Variants in BCL11A observed in about 807,000 individuals in gnomAD.
The protein encoded by BCL11A is B cell CLL/lymphoma 11A.
A neutral mutation model predicts 55.9 loss-of-function variants in BCL11A; 2 were observed. The observed-to-expected ratio is 0.04, with a 90% CI of 0.01 to 0.11. The LOEUF (loss-of-function observed/expected upper bound fraction) is 0.11, where lower values mean the gene tolerates loss of function less well. Ranked by LOEUF, BCL11A falls within the 10% of genes least tolerant of loss-of-function variation. BCL11A has a pLI of 1.00. For missense variants in BCL11A, 817 were observed against 1,137.1 expected (o/e 0.72, Z 4.05); for synonymous variants, 465 against 473.4 (o/e 0.98, Z 0.23).
intron 2 of BCL11A, among the ~76,000 whole-genome samples, chr2:60,482,700 A>C (rs1678032001): frequency 6.6e-6 from 1 of 152,256 alleles, no homozygotes; most frequent in South Asian, 2.1e-4. Context: ...TCCTGAAAAC[A>C]GGGCAGAAGA....
At position 60,459,867 on chromosome 2, in the gene BCL11A, T is replaced by A; in HGVS notation, c.*537A>T. ...AGAGGGTTAATCCAAAGACTGTTTT[T>A]CCTCCTCACGTTATAAAATAAAACT... On this transcript the variant is annotated 3_prime_UTR_variant, in exon 4 of 4. Transcript: ENST00000642384. 9.5e-7 allele frequency: 1 copy of A among 1,047,974 alleles called. No homozygotes were observed. The highest frequency in any genetic ancestry group is 1.2e-6 in the Non-Finnish European group (1 of 868,180). 64.9% of individuals were successfully genotyped at this position (1,047,974 alleles called of 1,614,324 possible). A position where few individuals can be genotyped will look rare whatever the true frequency, so the allele number is the denominator to read the frequency against.
intron 3 of BCL11A, among the ~76,000 whole-genome samples, chr2:60,467,120 G>GTGGTGGTGATGGTGGTGGTGGTGGTGA (rs1459862565): frequency 7.4e-6 from 1 of 134,276 alleles, no homozygotes; most frequent in Admixed American, 7.6e-5. Context: ...AGTGGTGGTG[G>GTGGTGGTGATGGTGGTGGTGGTGGTGA]TGGTGGTGAT....
rs1370776472 is a variant in BCL11A at position 60,460,959 on chromosome 2, G to A, written c.1953C>T (p.Asn651=). 6.2e-7 allele frequency: 1 copy of A among 1,611,854 alleles called. No homozygotes were observed. The highest frequency in any genetic ancestry group is 8.5e-7 in the Non-Finnish European group (1 of 1,179,016). ...GCCACTGCGAGTACACGTTCTCCGT[G>A]TTGGGCATCGCGGCCGGGGGCAGGT... ...EFDLPPAAMP[N]TENVYSQWLA... Residue 651 remains asparagine, a synonymous_variant, in exon 4 of 4, where the codon AAC becomes AAT. Coordinates refer to ENST00000642384, the MANE Select transcript of BCL11A (RefSeq NM_022893.4).
At chr2:60,492,412 G>A (rs1678688128) in intron 2 of BCL11A, among the ~76,000 whole-genome samples, 1 of 152,134 alleles carries the variant, frequency 6.6e-6, no homozygotes, top group African/African-American at 2.4e-5. Flanking sequence ...TTGGGCTAAT[G>A]TTTAGAATAA....
rs1368021668 is a variant in BCL11A at position 60,458,127 on chromosome 2, G to T, written c.*2277C>A. 4 of 1,028,308 alleles carry T rather than the reference G, an allele frequency of 3.9e-6. No homozygotes were observed. The East Asian group carries it at 2.4e-4, about 63-fold the overall frequency. 63.7% of individuals were successfully genotyped at this position (1,028,308 alleles called of 1,614,324 possible). On this transcript the variant is annotated 3_prime_UTR_variant, in exon 4 of 4. Transcript: ENST00000642384. Reference sequence around the variant, plus strand: ...CAAGCTTCAATATAAATACTATAGTGCCTAACACTAGATGAACATTTAATT... The same window carrying T: ...CAAGCTTCAATATAAATACTATAGTTCCTAACACTAGATGAACATTTAATT...
At chr2:60,485,519 A>G (rs1295413906) in intron 2 of BCL11A, among the ~76,000 whole-genome samples, 2 of 152,214 alleles carry the variant, frequency 1.3e-5, no homozygotes, top group African/African-American at 4.8e-5. Flanking sequence ...TATTCTACCT[A>G]TAAGGGAAAA....
intron 2 of BCL11A, 123 bp from the exon 3 acceptor site, chr2:60,468,956 G>T: frequency 1.6e-6 from 1 of 629,724 alleles, no homozygotes; most frequent in Non-Finnish European, 2.8e-6. Flanking sequence ...CTTGCAGATA[G>T]TTAACAGGCC....
chr2:60,486,415 G>C (rs972795287), intron 2 of BCL11A, among the ~76,000 whole-genome samples: 4 of 152,170 alleles, frequency 2.6e-5, no homozygotes, highest in African/African-American at 9.7e-5. Flanking sequence ...GTGTAGTTAA[G>C]TACTGAAGTG....
At chr2:60,517,544 TC>T (rs2104529635) in intron 2 of BCL11A, among the ~76,000 whole-genome samples, 1 of 152,250 alleles carries the variant, frequency 6.6e-6, no homozygotes, top group African/African-American at 2.4e-5. Context: ...TCAACAAAGC[TC>T]CAGTTAAGAA....
downstream of BCL11A, among the ~76,000 whole-genome samples, chr2:60,453,573 C>T (rs559794426): frequency 1.1e-4 from 17 of 152,328 alleles, no homozygotes; most frequent in African/African-American, 4.1e-4. Flanking sequence ...GGGCATGCTG[C>T]GTCCAGGTGG....
At chr2:60,487,056 T>A (rs1010055759) in intron 2 of BCL11A, among the ~76,000 whole-genome samples, 2 of 152,258 alleles carry the variant, frequency 1.3e-5, no homozygotes, top group Non-Finnish European at 2.9e-5. Context: ...TTAGGAGCGC[T>A]AGACACAGTG....
intron 2 of BCL11A, among the ~76,000 whole-genome samples, chr2:60,506,639 T>C (rs948927577): frequency 7.7e-4 from 117 of 152,278 alleles, no homozygotes; most frequent in Admixed American, 3.3e-4. Flanking sequence ...GGCAGCTCAC[T>C]AAGAAAACGA....
At chr2:60,487,525 A>G (rs1442254477) in intron 2 of BCL11A, among the ~76,000 whole-genome samples, 1 of 152,258 alleles carries the variant, frequency 6.6e-6, no homozygotes, top group Non-Finnish European at 1.5e-5. Context: ...ATATTTAAAA[A>G]TGAATACAGA....
chr2:60,483,130 T>C (rs1678054842), intron 2 of BCL11A, among the ~76,000 whole-genome samples: 2 of 152,282 alleles, frequency 1.3e-5, no homozygotes, highest in South Asian at 4.2e-4. Flanking sequence ...ACTGCAAGGA[T>C]AGTGTGGGTA....
At chr2:60,510,801 T>G (rs147917373) in intron 2 of BCL11A, among the ~76,000 whole-genome samples, 15 of 152,330 alleles carry the variant, frequency 9.8e-5, no homozygotes, top group African/African-American at 3.6e-4. Flanking sequence ...GGGGGCACTT[T>G]AGCTTTGGAT....
chr2:60,513,210 A>G (rs1668565344), intron 2 of BCL11A, among the ~76,000 whole-genome samples: 1 of 152,094 alleles, frequency 6.6e-6, no homozygotes, highest in East Asian at 1.9e-4. Context: ...CAGAGTCAGG[A>G]TGACTCTCAC....
intron 2 of BCL11A, among the ~76,000 whole-genome samples, chr2:60,494,490 G>A (rs577596331): frequency 1.3e-5 from 2 of 152,338 alleles, no homozygotes; most frequent in South Asian, 4.1e-4. Flanking sequence ...AGCTCAGTGA[G>A]ATGAGATATC....
At chr2:60,478,559 C>G (rs887025072) in intron 2 of BCL11A, among the ~76,000 whole-genome samples, 1 of 152,206 alleles carries the variant, frequency 6.6e-6, no homozygotes, top group Non-Finnish European at 1.5e-5. Flanking sequence ...TTCTGAGAAC[C>G]AGAACTGGCC....
rs1353851417 is a variant in BCL11A at position 60,457,741 on chromosome 2, G to A, written c.*2663C>T. The A allele has an allele frequency of 2.3e-5, 24 of 1,031,020 alleles. No individual in the cohort carries two copies. The highest frequency in any genetic ancestry group is 2.6e-5 in the Non-Finnish European group (22 of 858,774). 63.9% of individuals were successfully genotyped at this position (1,031,020 alleles called of 1,614,324 possible). A position where few individuals can be genotyped will look rare whatever the true frequency, so the allele number is the denominator to read the frequency against. ...TATGAAGGTAAGATGCTGGAATGTA[G>A]GGTGATAGAAGGAAAGGGACAAAAA... is the stretch of plus-strand genomic sequence containing the variant. On this transcript the variant is annotated 3_prime_UTR_variant, in exon 4 of 4. Transcript: ENST00000642384.
Sources: gnomAD v4.1 joint callset for allele counts (sites outside exome capture counted in the v4.1 genomes callset) on GRCh38, gnomAD v4.1.1 for gene constraint, MANE v1.5 for transcripts, NCBI Gene and HGNC (gene_info 2026-07-23, HGNC 2026-07-21) for gene names.